Variants in PDE4D observed in about 807,000 individuals in gnomAD.
PDE4D encodes phosphodiesterase 4D.
PDE4D carries 24 observed loss-of-function variants against 87.4 expected under a neutral mutation model. The ratio of observed to expected loss-of-function variants is 0.27; its 90% CI spans 0.20 to 0.39. The LOEUF (loss-of-function observed/expected upper bound fraction) is 0.39, where lower values mean the gene tolerates loss of function less well. Ranked by LOEUF, PDE4D falls within the 10% of genes least tolerant of loss-of-function variation. PDE4D has a pLI of 1.00. For synonymous variants in PDE4D, 384 were observed against 383.2 expected (o/e 1.00, Z -0.02); for missense variants, 714 against 1,041.0 (o/e 0.69, Z 4.32).
intron 2 of PDE4D, among the ~76,000 whole-genome samples, chr5:60,048,320 A>G (rs953995457): frequency 1.9e-4 from 29 of 152,270 alleles, no homozygotes; most frequent in African/African-American, 7.0e-4. Context: ...TCTGTATCCA[A>G]TTTGCCAGTC....
intron 2 of PDE4D, among the ~76,000 whole-genome samples, chr5:60,012,749 A>G (rs969576414): frequency 4.6e-5 from 7 of 152,178 alleles, no homozygotes; most frequent in African/African-American, 1.7e-4. Context: ...CATATTCTCA[A>G]GAAGTTAAAG....
intron 2 of PDE4D, among the ~76,000 whole-genome samples, chr5:60,132,658 CATATTTTTATTCATA>C (rs1296964710): frequency 6.6e-6 from 1 of 152,028 alleles, no homozygotes; most frequent in Non-Finnish European, 1.5e-5. Context: ...GTTAAAAGAG[CATATTTTTATTCATA>C]ATATAAATAT....
At chr5:59,619,742 T>C (rs1386182344) in intron 1 of PDE4D, among the ~76,000 whole-genome samples, 1 of 152,124 alleles carries the variant, frequency 6.6e-6, no homozygotes, top group African/African-American at 2.4e-5. Flanking sequence ...CCTACACTCT[T>C]CAAATACTGA....
intron 1 of PDE4D, among the ~76,000 whole-genome samples, chr5:59,269,826 T>C (rs1763489719): frequency 6.6e-6 from 1 of 152,106 alleles, no homozygotes; most frequent in African/African-American, 2.4e-5. Flanking sequence ...AATTACAGTA[T>C]AAATATTCAT....
intron 1 of PDE4D, among the ~76,000 whole-genome samples, chr5:59,359,136 A>C (rs1437353977): frequency 6.6e-6 from 1 of 152,214 alleles, no homozygotes; most frequent in Non-Finnish European, 1.5e-5. Flanking sequence ...CTGCTAGGGA[A>C]TGTCCAACTT....
At chr5:60,137,025 G>A (rs1055270726) in intron 2 of PDE4D, among the ~76,000 whole-genome samples, 2 of 152,048 alleles carry the variant, frequency 1.3e-5, no homozygotes, top group African/African-American at 4.8e-5. Flanking sequence ...GTGTCCATGC[G>A]TTCTGATCAT....
At chr5:60,272,548 C>T (rs1326150161) in intron 1 of PDE4D, among the ~76,000 whole-genome samples, 2 of 152,160 alleles carry the variant, frequency 1.3e-5, no homozygotes, top group Admixed American at 6.5e-5. Flanking sequence ...GCCAGCTCCA[C>T]AACATGAAGG....
intron 2 of PDE4D, among the ~76,000 whole-genome samples, chr5:60,045,585 A>G (rs541625780): frequency 6.6e-6 from 1 of 152,312 alleles, no homozygotes; most frequent in Non-Finnish European, 1.5e-5. Context: ...ACATATGGCT[A>G]GCCAGTTTTC....
chr5:59,096,070 A>C (rs1269242001), intron 5 of PDE4D, among the ~76,000 whole-genome samples: 2 of 152,154 alleles, frequency 1.3e-5, no homozygotes, highest in Non-Finnish European at 2.9e-5. Flanking sequence ...TCTTCAAAGG[A>C]GATGGGGGAA....
intron 2 of PDE4D, among the ~76,000 whole-genome samples, chr5:60,033,957 A>G (rs1163996051): frequency 6.6e-6 from 1 of 152,184 alleles, no homozygotes; most frequent in Non-Finnish European, 1.5e-5. Flanking sequence ...TATTTACATG[A>G]GCTATGGATA....
chr5:60,192,827 A>T (rs1176858719), intron 1 of PDE4D, among the ~76,000 whole-genome samples: 1 of 152,194 alleles, frequency 6.6e-6, no homozygotes, highest in East Asian at 1.9e-4. Context: ...AAAATACTTA[A>T]AAGTTGGATT....
chr5:59,697,536 A>G (rs753278705), intron 1 of PDE4D, among the ~76,000 whole-genome samples: 1 of 152,194 alleles, frequency 6.6e-6, no homozygotes, highest in African/African-American at 2.4e-5. Flanking sequence ...AACACTTACC[A>G]TCTCATTTAC....
chr5:59,789,174 G>A (rs191120179), intron 1 of PDE4D, among the ~76,000 whole-genome samples: 1 of 152,320 alleles, frequency 6.6e-6, no homozygotes, highest in East Asian at 1.9e-4. Context: ...AATATGCTCA[G>A]ATGGGCATGA....
At chr5:60,165,077 C>A (rs930915055) in intron 2 of PDE4D, among the ~76,000 whole-genome samples, 1 of 152,094 alleles carries the variant, frequency 6.6e-6, no homozygotes, top group African/African-American at 2.4e-5. Context: ...CCATTTACTT[C>A]TTTATTTCTA....
chr5:59,354,990 T>A, intron 1 of PDE4D, among the ~76,000 whole-genome samples: 1 of 152,328 alleles, frequency 6.6e-6, no homozygotes, highest in South Asian at 2.1e-4. Context: ...AAGGAAGGAC[T>A]GAGCCTCTCA....
At chr5:59,039,022 C>T (rs1226967864) in intron 5 of PDE4D, 51 bp from the exon 6 acceptor site, 6 of 1,540,446 alleles carry the variant, frequency 3.9e-6, no homozygotes, top group Non-Finnish European at 5.3e-6. Context: ...CTTCACGGGT[C>T]CGCTAGCGAG....
chr5:59,012,843 A>T (rs1393619201), intron 6 of PDE4D, among the ~76,000 whole-genome samples: 1 of 152,218 alleles, frequency 6.6e-6, no homozygotes, highest in African/African-American at 2.4e-5. Flanking sequence ...AAATCAACAG[A>T]ACATACATTC....
intron 1 of PDE4D, among the ~76,000 whole-genome samples, chr5:59,740,017 T>C (rs1202141437): frequency 1.3e-5 from 2 of 152,222 alleles, no homozygotes; most frequent in Admixed American, 6.6e-5. Flanking sequence ...AATTGCATTA[T>C]AAAATATTTT....
intron 1 of PDE4D, among the ~76,000 whole-genome samples, chr5:60,273,440 A>G (rs902184443): frequency 1.3e-5 from 2 of 152,190 alleles, no homozygotes; most frequent in East Asian, 3.9e-4. Context: ...TTAAGTCATA[A>G]TAAGGACTCT....
Sources: allele counts gnomAD v4.1 joint callset (sites outside exome capture counted in the v4.1 genomes callset), GRCh38; gene constraint gnomAD v4.1.1; transcripts MANE v1.5; gene names NCBI Gene and HGNC (gene_info 2026-07-23, HGNC 2026-07-21).